ATP2B4: variants seen among roughly 807,000 people sequenced by gnomAD.
ATP2B4 encodes plasma membrane calcium-transporting ATPase 4.
A neutral mutation model predicts 110.3 loss-of-function variants in ATP2B4; 39 were observed. The ratio of observed to expected loss-of-function variants is 0.35; its 90% CI spans 0.27 to 0.46. The LOEUF (loss-of-function observed/expected upper bound fraction) is 0.46. ATP2B4 is among the 20% of genes least tolerant of loss of function. The probability of loss-of-function intolerance (pLI) is 1.00; values close to 1 mark genes in which losing one functional copy is unlikely to be tolerated. For synonymous variants in ATP2B4, 538 were observed against 571.7 expected, an observed-to-expected ratio of 0.94 and a Z score of 0.84; for missense variants, 1,135 against 1,530.9, an observed-to-expected ratio of 0.74 and a Z score of 4.32.
chr1:203,740,923 A>G lies in ATP2B4; in HGVS notation c.*1069A>G, dbSNP rs1571787779. On this transcript the variant is annotated 3_prime_UTR_variant, in exon 21 of 21. Coordinates refer to ENST00000357681, the MANE Select transcript of ATP2B4 (RefSeq NM_001684.5). ...TGGGGTGACCACTGCTTTCAAAGCC[A>G]TCTGCCAAGGCTCTCCAGGGCAGGA... The G allele has an allele frequency of 6.6e-6, 1 of 152,266 alleles. No homozygotes were observed. 9.4% of individuals were successfully genotyped at this position (152,266 alleles called of 1,614,324 possible). A position where few individuals can be genotyped will look rare whatever the true frequency, so the allele number is the denominator to read the frequency against.
At chr1:203,710,532 C>T (rs1308063825) in intron 11 of ATP2B4, among the ~76,000 whole-genome samples, 1 of 152,242 alleles carries the variant, frequency 6.6e-6, no homozygotes, top group East Asian at 1.9e-4. Context: ...ACCAGCACCA[C>T]ACAGTGAGCA....
At position 203,709,473 on chromosome 1, in the gene ATP2B4, C is replaced by A; in HGVS notation, c.1730C>A (p.Thr577Asn). 1 of 1,614,188 alleles carries A rather than the reference C, an allele frequency of 6.2e-7. No individual in the cohort carries two copies. The highest frequency in any genetic ancestry group is 8.5e-7 in the Non-Finnish European group (1 of 1,180,038). ...TFNSVRKSMS[T>N]VIRNPNGGFR... is the part of the protein sequence containing the mutation. ...AACTCAGTGCGCAAGTCAATGAGCA[C>A]CGTCATCAGGAATCCCAACGGTGGC... is the stretch of plus-strand genomic sequence containing the variant. Residue 577 changes from threonine (T) to asparagine (N), a missense_variant, in exon 11 of 21, where the codon ACC becomes AAC. This residue lies in a region of ATP2B4 where 368 missense variants were observed against 455.9 expected (regional missense o/e 0.81). Coordinates refer to ENST00000357681, the MANE Select transcript of ATP2B4 (RefSeq NM_001684.5).
rs552810015 is a variant in ATP2B4 at position 203,680,758 on chromosome 1, C to A, written c.-464-1984C>A. 1.9e-3 allele frequency among the ~76,000 whole-genome samples: 290 copies of A among 152,264 alleles called. 1 individual carries two copies. Among genetic ancestry groups the A allele is most frequent in the Non-Finnish European group, 3.0e-3 (206 of 68,020 alleles). ...ACTTTCTTAGGGTGGTGCGAAAAGA[C>A]AGGGCCCATTCTCTACCCAACTAAA... On this transcript the variant is annotated intron_variant, in intron 1 of 20. Coordinates refer to ENST00000357681, the MANE Select transcript of ATP2B4 (RefSeq NM_001684.5).
chr1:203,730,932 G>C (rs1666688059), intron 20 of ATP2B4, among the ~76,000 whole-genome samples: 1 of 152,196 alleles, frequency 6.6e-6, no homozygotes, highest in African/African-American at 2.4e-5. Context: ...CCCAACATCA[G>C]CCCTTCAGCC....
chr1:203,707,372 G>A (rs1375341245), intron 9 of ATP2B4, 149 bp downstream of exon 9: 1 of 676,320 alleles, frequency 1.5e-6, no homozygotes, highest in Non-Finnish European at 2.4e-6. Context: ...TATTATGGAA[G>A]GACCATCTCT....
At chr1:203,655,747 GTCAA>G (rs1190527697) in intron 1 of ATP2B4, among the ~76,000 whole-genome samples, 2 of 152,072 alleles carry the variant, frequency 1.3e-5, no homozygotes, top group Non-Finnish European at 1.5e-5. Flanking sequence ...TCACTAAAAA[GTCAA>G]TCAATGCAGC....
At chr1:203,729,131 A>G (rs2102228692) in intron 20 of ATP2B4, among the ~76,000 whole-genome samples, 1 of 152,132 alleles carries the variant, frequency 6.6e-6, no homozygotes, top group African/African-American at 2.4e-5. Context: ...AAAAAAGAGA[A>G]AGAAAAGAAG....
At chr1:203,662,289 G>A (rs560169739) in intron 1 of ATP2B4, among the ~76,000 whole-genome samples, 12 of 152,322 alleles carry the variant, frequency 7.9e-5, no homozygotes, top group African/African-American at 2.9e-4. Flanking sequence ...GCCTCCCAAA[G>A]TGTTGGGATT....
At chr1:203,665,563 AGGCCAAGATG>A (rs1571698078) in intron 1 of ATP2B4, among the ~76,000 whole-genome samples, 1 of 152,064 alleles carries the variant, frequency 6.6e-6, no homozygotes, top group East Asian at 1.9e-4. Context: ...ACACTTTGGG[AGGCCAAGATG>A]GGCGGATCAC....
intron 1 of ATP2B4, among the ~76,000 whole-genome samples, chr1:203,676,165 T>C (rs1664823146): frequency 6.6e-6 from 1 of 152,124 alleles, no homozygotes; most frequent in African/African-American, 2.4e-5. Context: ...CCACCTGAAC[T>C]TTAGCCAACA....
intron 2 of ATP2B4, among the ~76,000 whole-genome samples, chr1:203,687,798 A>G (rs996047289): frequency 2.0e-5 from 3 of 152,102 alleles, no homozygotes; most frequent in Admixed American, 2.0e-4. Flanking sequence ...GGCTGGCCGC[A>G]GTAGCTCATG....
chr1:203,688,244 G>A (rs1035574635), intron 2 of ATP2B4, among the ~76,000 whole-genome samples: 1 of 151,482 alleles, frequency 6.6e-6, no homozygotes, highest in African/African-American at 2.4e-5. Flanking sequence ...TCAGCCTCCC[G>A]AAGTGCTGGG....
intron 6 of ATP2B4, 43 bp downstream of exon 6, chr1:203,700,966 A>G: frequency 1.9e-6 from 3 of 1,593,052 alleles, no homozygotes; most frequent in Non-Finnish European, 2.6e-6. Flanking sequence ...TCTCATCCCC[A>G]TGGACAAACA....
chr1:203,681,055 C>T (rs1664996336), intron 1 of ATP2B4, among the ~76,000 whole-genome samples: 1 of 152,144 alleles, frequency 6.6e-6, no homozygotes, highest in African/African-American at 2.4e-5. Flanking sequence ...GTGCCTATAC[C>T]AGTCTGAATG....
rs143539533 is a variant in ATP2B4, at chr1:203,710,923, A to C, written c.1846A>C (p.Asn616His). 534 of 1,614,134 alleles carry C rather than the reference A, an allele frequency of 3.3e-4. 3 individuals are homozygous for C. The African/African-American group carries it at 6.4e-3, about 19-fold the overall frequency. ...GAAAGGGGAAGCAGTGCCATTCAAG[A>C]ATAAAGACAGAGATGATATGGTACG... ...DRKGEAVPFK[N>H]KDRDDMVRTV... Residue 616 changes from asparagine to histidine, a missense_variant, in exon 12 of 21, where the codon AAT becomes CAT. Physicochemically the swap from Asn to His is moderately conservative, Grantham distance 68. Around this residue, in one of 9 missense-constraint regions of ATP2B4, gnomAD observed 368 missense variants for 455.9 expected, o/e 0.81. Coordinates refer to ENST00000357681, the MANE Select transcript of ATP2B4 (RefSeq NM_001684.5).
intron 20 of ATP2B4, among the ~76,000 whole-genome samples, chr1:203,735,636 G>A (rs544242336): frequency 1.1e-4 from 17 of 152,276 alleles, no homozygotes; most frequent in Admixed American, 1.0e-3. Context: ...AGGAATGGGG[G>A]TGGAACTTGA....
At chr1:203,667,152 A>C (rs1434288277) in intron 1 of ATP2B4, among the ~76,000 whole-genome samples, 4 of 152,078 alleles carry the variant, frequency 2.6e-5, no homozygotes, top group Admixed American at 6.6e-5. Context: ...GGGTTTCACC[A>C]TGTTGCTCCA....
At chr1:203,628,241 G>A (rs75802498) in intron 1 of ATP2B4, among the ~76,000 whole-genome samples, 3 of 152,126 alleles carry the variant, frequency 2.0e-5, no homozygotes, top group Admixed American at 1.3e-4. Context: ...GCTCGCTCTT[G>A]GTAGAGGGGG....
At chr1:203,653,933 C>T (rs550109982) in intron 1 of ATP2B4, among the ~76,000 whole-genome samples, 96 of 149,356 alleles carry the variant, frequency 6.4e-4, no homozygotes, top group Middle Eastern at 3.5e-3. Context: ...TGGATGACAG[C>T]TCATCTATTT....
Sources: gnomAD v4.1 joint callset for allele counts (sites outside exome capture counted in the v4.1 genomes callset) on GRCh38, gnomAD v4.1.1 for gene constraint, gnomAD v4.1.1 regional missense constraint, MANE v1.5 for transcripts, NCBI Gene and HGNC (gene_info 2026-07-23, HGNC 2026-07-21) for gene names.